Variants in PABPC4L observed in about 807,000 individuals in gnomAD.
PABPC4L encodes poly(A) binding protein cytoplasmic 4 like, also known as polyadenylate-binding protein 4-like.
For missense variants in PABPC4L, 452 were observed against 451.4 expected (o/e 1.00, Z -0.01); for synonymous variants, 169 against 164.1 (o/e 1.03, Z -0.23).
Position 134,201,701 on chromosome 4 carries a change from G to C in PABPC4L, c.-227+17C>G, listed in dbSNP as rs1000781588. ...GACGCGGCGAAGCGGGCGGCCAGGC[G>C]GGGGCTGGGGGCTCACCGGCGGTCG... On this transcript the variant is annotated intron_variant, in intron 1 of 1. Transcript: ENST00000421491. 5.9e-5 allele frequency: 9 copies of C among 152,562 alleles called. No individual in the cohort carries two copies. The highest frequency in any genetic ancestry group is 1.3e-4 in the Non-Finnish European group (9 of 68,304). The allele number at this position is 152,562 out of a possible 1,614,324, so 9.5% of individuals were successfully genotyped here.
At chr4:134,189,383 T>G in the PABPC4L span, among the ~76,000 whole-genome samples, 2 of 151,584 alleles carry the variant, frequency 1.3e-5, no homozygotes, top group Non-Finnish European at 3.0e-5. Context: ...ATCTTTTTTG[T>G]TGACAGGCAG....
At chr4:134,060,788 A>T in the PABPC4L span, among the ~76,000 whole-genome samples, 1 of 151,984 alleles carries the variant, frequency 6.6e-6, no homozygotes, top group Non-Finnish European at 1.5e-5. Context: ...ATGGAACTGG[A>T]GGTCATTATG....
chr4:134,119,895 G>A, the PABPC4L span, among the ~76,000 whole-genome samples: 1 of 151,590 alleles, frequency 6.6e-6, no homozygotes, highest in Non-Finnish European at 1.5e-5. Context: ...TCTAGTTCTT[G>A]TAGCAGTATT....
the PABPC4L span, among the ~76,000 whole-genome samples, chr4:133,964,351 T>A: frequency 1.3e-5 from 2 of 150,074 alleles, no homozygotes; most frequent in South Asian, 2.1e-4. Flanking sequence ...AAAAAAATAG[T>A]CCAGGACCAG....
the PABPC4L span, among the ~76,000 whole-genome samples, chr4:134,191,028 TTATA>T: frequency 6.6e-6 from 1 of 152,196 alleles, no homozygotes; most frequent in South Asian, 2.1e-4. Flanking sequence ...GATTTTCTAG[TTATA>T]TATTCTTCTT....
the PABPC4L span, among the ~76,000 whole-genome samples, chr4:134,083,007 C>T: frequency 6.2e-3 from 940 of 152,280 alleles, 6 homozygotes; most frequent in African/African-American, 0.021. Context: ...ATAGATTATA[C>T]TACTCTTTCA....
At chr4:134,053,159 A>ACAT in the PABPC4L span, among the ~76,000 whole-genome samples, 4 of 152,138 alleles carry the variant, frequency 2.6e-5, no homozygotes, top group Admixed American at 2.6e-4. Context: ...ACTTAGTTCA[A>ACAT]CATCAACAAA....
chr4:133,973,027 G>A, the PABPC4L span, among the ~76,000 whole-genome samples: 2 of 152,106 alleles, frequency 1.3e-5, no homozygotes, highest in South Asian at 2.1e-4. Flanking sequence ...GACAAGCAGA[G>A]AGCCACAGAA....
At chr4:134,145,490 T>C in the PABPC4L span, among the ~76,000 whole-genome samples, 1 of 151,964 alleles carries the variant, frequency 6.6e-6, no homozygotes, top group Non-Finnish European at 1.5e-5. Context: ...TTAGTTTTTC[T>C]GTCCATATAC....
At chr4:133,949,088 T>C in the PABPC4L span, among the ~76,000 whole-genome samples, 39 of 152,284 alleles carry the variant, frequency 2.6e-4, 1 homozygote, top group African/African-American at 8.7e-4. Context: ...TAGGATTCCA[T>C]TCTAAATTTT....
the PABPC4L span, among the ~76,000 whole-genome samples, chr4:133,961,377 A>T: frequency 2.3e-5 from 3 of 130,986 alleles, no homozygotes; most frequent in South Asian, 6.6e-4. Context: ...GCTGACTAAG[A>T]ATCCCTAAGC....
the PABPC4L span, among the ~76,000 whole-genome samples, chr4:133,950,132 C>G: frequency 1.3e-5 from 2 of 152,096 alleles, no homozygotes; most frequent in South Asian, 2.1e-4. Context: ...CATAATTCCC[C>G]TTAGCATCCT....
At chr4:133,964,511 A>G in the PABPC4L span, among the ~76,000 whole-genome samples, 1 of 152,034 alleles carries the variant, frequency 6.6e-6, no homozygotes, top group African/African-American at 2.4e-5. Flanking sequence ...AAAGGACATA[A>G]CCAAAAAAGA....
downstream of PABPC4L, among the ~76,000 whole-genome samples, chr4:134,195,628 A>G (rs543117163): frequency 6.6e-6 from 1 of 151,856 alleles, no homozygotes; most frequent in African/African-American, 2.4e-5. Context: ...TCAGAAGTTA[A>G]GGTGTTTTCT....
At chr4:134,054,700 G>A in the PABPC4L span, among the ~76,000 whole-genome samples, 1 of 151,848 alleles carries the variant, frequency 6.6e-6, no homozygotes, top group Non-Finnish European at 1.5e-5. Flanking sequence ...ATATCCATTT[G>A]AGCTGTTTAT....
the PABPC4L span, among the ~76,000 whole-genome samples, chr4:133,995,263 G>C: frequency 6.6e-6 from 1 of 152,116 alleles, no homozygotes; most frequent in East Asian, 1.9e-4. Flanking sequence ...CTACTATTGG[G>C]GCACTCCCTC....
the PABPC4L span, among the ~76,000 whole-genome samples, chr4:133,959,981 G>C: frequency 6.6e-6 from 1 of 152,112 alleles, no homozygotes; most frequent in South Asian, 2.1e-4. Flanking sequence ...CTGTTTATAT[G>C]TGTTTATCAA....
chr4:134,146,116 T>A, the PABPC4L span, among the ~76,000 whole-genome samples: 1 of 151,952 alleles, frequency 6.6e-6, no homozygotes, highest in Non-Finnish European at 1.5e-5. Context: ...ATGTATATTT[T>A]ATTTACTCAT....
the PABPC4L span, among the ~76,000 whole-genome samples, chr4:134,107,024 T>C: frequency 1.3e-5 from 2 of 151,630 alleles, no homozygotes; most frequent in Non-Finnish European, 3.0e-5. Flanking sequence ...GCGAGGAATC[T>C]ATCATTTAAA....
Sources: allele counts gnomAD v4.1 joint callset (sites outside exome capture counted in the v4.1 genomes callset), GRCh38; gene constraint gnomAD v4.1.1; transcripts MANE v1.5; gene names NCBI Gene and HGNC (gene_info 2026-07-23, HGNC 2026-07-21).